ABL2: variants seen among roughly 807,000 people sequenced by gnomAD.
ABL2 encodes tyrosine-protein kinase ABL2.
Under a neutral mutation model 107.7 loss-of-function variants are expected in ABL2, and 49 were observed. The ratio of observed to expected loss-of-function variants is 0.45; its 90% confidence interval spans 0.36 to 0.58. The LOEUF (loss-of-function observed/expected upper bound fraction) is 0.58. Ranked by LOEUF, ABL2 falls within the 20% of genes least tolerant of loss-of-function variation. ABL2 has a pLI of 0.00. For missense variants in ABL2, 1,245 were observed against 1,457.0 expected, an observed-to-expected ratio of 0.85 and a Z score of 2.37; for synonymous variants, 549 against 548.6, an observed-to-expected ratio of 1.00 and a Z score of -0.01.
At position 179,133,361 on chromosome 1, in the gene ABL2, G is replaced by C; in HGVS notation, c.171C>G (p.Ser57Arg). 1 of 1,613,966 alleles carries C rather than the reference G, an allele frequency of 6.2e-7. No individual in the cohort carries two copies. Among genetic ancestry groups the C allele is most frequent in the Non-Finnish European group, 8.5e-7 (1 of 1,180,000 alleles). ...CTCCCTCAAATCCATCCTCCACACA[G>C]CTGGCAAAGTGATCTATTTAAGAAA... ...NIFTQHDHFA[S>R]CVEDGFEGDK... Residue 57 changes from serine (S) to arginine (R), a missense_variant, in exon 2 of 12, where the codon AGC becomes AGG. Physicochemically the swap from Ser to Arg is moderately radical, Grantham distance 110. Around this residue, in one of 3 missense-constraint regions of ABL2, gnomAD observed 164 missense variants for 143.7 expected, o/e 1.14. Coordinates refer to ENST00000502732, the MANE Select transcript of ABL2 (RefSeq NM_007314.4).
At position 179,101,992 on chromosome 1, in the gene ABL2, A is replaced by ATTTTTTTTTTT. The variant is rs1557895974; in HGVS notation, c.*5725_*5726insAAAAAAAAAAA. On this transcript the variant is annotated 3_prime_UTR_variant, in exon 12 of 12. Coordinates refer to ENST00000502732, the MANE Select transcript of ABL2 (RefSeq NM_007314.4). ...AAAAAAAAGCAAGCTTTGCATTAGA[A>ATTTTTTTTTTT]TTTCTTTTTTTTTTTTTTTTTTTTT... is the stretch of plus-strand genomic sequence containing the variant. 1.0e-5 allele frequency: 1 copy of ATTTTTTTTTTT among 100,298 alleles called. No individual in the cohort carries two copies. The highest frequency in any genetic ancestry group is 4.0e-5 in the African/African-American group (1 of 24,714). The allele number at this position is 100,298 out of a possible 1,614,324, so 6.2% of individuals were successfully genotyped here.
intron 1 of ABL2, among the ~76,000 whole-genome samples, chr1:179,210,204 T>A (rs906758215): frequency 7.2e-5 from 11 of 151,762 alleles, no homozygotes; most frequent in African/African-American, 2.7e-4. Context: ...AGAAAAAAAA[T>A]GATTTTAAAA....
chr1:179,135,330 G>GT (rs749711745), intron 1 of ABL2, among the ~76,000 whole-genome samples: 20 of 150,816 alleles, frequency 1.3e-4, no homozygotes, highest in Non-Finnish European at 2.4e-4. Context: ...AGTGAGGAGC[G>GT]TCTCTGCCCG....
intron 1 of ABL2, among the ~76,000 whole-genome samples, chr1:179,216,152 G>A (rs1032174904): frequency 6.6e-6 from 1 of 152,188 alleles, no homozygotes; most frequent in African/African-American, 2.4e-5. Flanking sequence ...CTATAGAGAA[G>A]CCGGCAGTTC....
chr1:179,191,739 T>A (rs1227348747), intron 1 of ABL2, among the ~76,000 whole-genome samples: 1 of 152,210 alleles, frequency 6.6e-6, no homozygotes, highest in East Asian at 1.9e-4. Flanking sequence ...AATTACTTCA[T>A]ATATACATAT....
At position 179,101,992 on chromosome 1, in the gene ABL2, A is replaced by AT. The variant is rs1557895974; in HGVS notation, c.*5725dup. The AT allele has an allele frequency of 1.0e-5, 1 of 100,296 alleles. No individual in the cohort carries two copies. Among genetic ancestry groups the AT allele is most frequent in the African/African-American group, 4.0e-5 (1 of 24,714 alleles). The allele number at this position is 100,296 out of a possible 1,614,324, so 6.2% of individuals were successfully genotyped here. A position where few individuals can be genotyped will look rare whatever the true frequency, so the allele number is the denominator to read the frequency against. ...AAAAAAAAGCAAGCTTTGCATTAGA[A>AT]TTTCTTTTTTTTTTTTTTTTTTTTT... is the stretch of plus-strand genomic sequence containing the variant. On this transcript the variant is annotated 3_prime_UTR_variant, in exon 12 of 12. Transcript: ENST00000502732.
intron 1 of ABL2, among the ~76,000 whole-genome samples, chr1:179,220,415 G>A (rs948535028): frequency 7.2e-5 from 11 of 152,148 alleles, no homozygotes; most frequent in African/African-American, 1.7e-4. Context: ...TTTGTTTTCC[G>A]TTTAAAGCAG....
At chr1:179,177,964 G>A (rs1024895586) in intron 1 of ABL2, among the ~76,000 whole-genome samples, 1 of 152,162 alleles carries the variant, frequency 6.6e-6, no homozygotes, top group Non-Finnish European at 1.5e-5. Context: ...ATTCTGCTAT[G>A]TATTTAAGGT....
intron 1 of ABL2, among the ~76,000 whole-genome samples, chr1:179,218,841 AC>A (rs1193910641): frequency 6.6e-6 from 1 of 152,202 alleles, no homozygotes; most frequent in Non-Finnish European, 1.5e-5. Flanking sequence ...TGGAGGTGGG[AC>A]CCAGCAATCT....
chr1:179,136,620 A>T (rs2102688165), intron 1 of ABL2, among the ~76,000 whole-genome samples: 1 of 149,144 alleles, frequency 6.7e-6, no homozygotes, highest in East Asian at 2.0e-4. Context: ...ACCTTTGTTC[A>T]CTTGTTTATC....
At chr1:179,158,375 G>C (rs534427703) in intron 1 of ABL2, among the ~76,000 whole-genome samples, 2 of 152,262 alleles carry the variant, frequency 1.3e-5, no homozygotes, top group South Asian at 4.2e-4. Flanking sequence ...TGTTAACTCT[G>C]CTAAAAATAT....
chr1:179,181,837 A>G (rs1660392495), intron 1 of ABL2, among the ~76,000 whole-genome samples: 1 of 151,674 alleles, frequency 6.6e-6, no homozygotes, highest in South Asian at 2.1e-4. Context: ...CTGGAATGCA[A>G]TGGCATGATC....
chr1:179,195,384 T>C (rs1319129860), intron 1 of ABL2, among the ~76,000 whole-genome samples: 3 of 152,062 alleles, frequency 2.0e-5, no homozygotes, highest in Non-Finnish European at 4.4e-5. Flanking sequence ...ATAACAAATG[T>C]TGGTGAGGGT....
chr1:179,148,278 C>T (rs1252491327), intron 1 of ABL2, among the ~76,000 whole-genome samples: 2 of 151,978 alleles, frequency 1.3e-5, no homozygotes, highest in Non-Finnish European at 2.9e-5. Context: ...GAGCTCAAAG[C>T]GATCTGCCCA....
At position 179,106,911 on chromosome 1, in the gene ABL2, G is replaced by A; in HGVS notation, c.*807C>T. 1 of 230,726 alleles carries A rather than the reference G, an allele frequency of 4.3e-6. No homozygotes were observed. Among genetic ancestry groups the A allele is most frequent in the Non-Finnish European group, 8.6e-6 (1 of 116,470 alleles). The allele number at this position is 230,726 out of a possible 1,614,324, so 14.3% of individuals were successfully genotyped here. A position where few individuals can be genotyped will look rare whatever the true frequency, so the allele number is the denominator to read the frequency against. ...AAGACAGCCTGCCCAGCAAAAGACA[G>A]AGAAGAACCACTAGGGAGACCCCTG... On this transcript the variant is annotated 3_prime_UTR_variant, in exon 12 of 12. Coordinates refer to ENST00000502732, the MANE Select transcript of ABL2 (RefSeq NM_007314.4).
chr1:179,189,122 T>G (rs1310776887), intron 1 of ABL2, among the ~76,000 whole-genome samples: 6 of 151,978 alleles, frequency 3.9e-5, no homozygotes, highest in African/African-American at 1.5e-4. Flanking sequence ...TGTTCTCGGG[T>G]GTTTTTTGTT....
chr1:179,164,012 G>A (rs900375834), intron 1 of ABL2, among the ~76,000 whole-genome samples: 2 of 152,144 alleles, frequency 1.3e-5, no homozygotes, highest in Non-Finnish European at 2.9e-5. Flanking sequence ...CTCTAGTGGT[G>A]GAGAACACAT....
At chr1:179,187,067 C>A (rs950892250) in intron 1 of ABL2, among the ~76,000 whole-genome samples, 1 of 152,082 alleles carries the variant, frequency 6.6e-6, no homozygotes, top group African/African-American at 2.4e-5. Flanking sequence ...CAGTGTCCAC[C>A]TTGGTTTTCC....
In ABL2 at chr1:179,171,515, C is replaced by T. The variant is rs114921739; in HGVS notation, c.158-38141G>A. Among the ~76,000 whole-genome samples, 799 of 152,222 alleles carry T rather than the reference C, an allele frequency of 5.2e-3. 7 individuals carry two copies. The highest frequency in any genetic ancestry group is 0.018 in the African/African-American group (756 of 41,536). On this transcript the variant is annotated intron_variant, in intron 1 of 11. Coordinates refer to ENST00000502732, the MANE Select transcript of ABL2 (RefSeq NM_007314.4). ...AACCTCAAAGAATGACTTTTAAAGA[C>T]ACAGGGTCTCACTGTCACCCAGCTT... is the stretch of plus-strand genomic sequence containing the variant.
Sources: gnomAD v4.1 joint callset for allele counts (sites outside exome capture counted in the v4.1 genomes callset) on GRCh38, gnomAD v4.1.1 for gene constraint, gnomAD v4.1.1 regional missense constraint, MANE v1.5 for transcripts, NCBI Gene and HGNC (gene_info 2026-07-23, HGNC 2026-07-21) for gene names.